The following SLC39A10 variants were observed in gnomAD, a reference collection of about 807,000 sequenced individuals.
SLC39A10 encodes the protein zinc transporter ZIP10.
A neutral mutation model predicts 65.1 loss-of-function variants in SLC39A10; 13 were observed. That is an observed-to-expected ratio of 0.20 (90% CI 0.13 to 0.32). The LOEUF (loss-of-function observed/expected upper bound fraction) is 0.32. SLC39A10 is among the 10% of genes least tolerant of loss of function. The pLI is 1.00. For missense variants in SLC39A10, 831 were observed against 1,018.4 expected (o/e 0.82, Z 2.50); for synonymous variants, 321 against 342.2 (o/e 0.94, Z 0.68).
intron 8 of SLC39A10, among the ~76,000 whole-genome samples, chr2:195,727,334 C>CA (rs1158142067): frequency 1.3e-5 from 2 of 152,146 alleles, no homozygotes; most frequent in Non-Finnish European, 2.9e-5. Flanking sequence ...CATTCTTCAT[C>CA]AGCACAGTTA....
At chr2:195,671,004 G>A (rs1475736703) in intron 1 of SLC39A10, among the ~76,000 whole-genome samples, 1 of 152,152 alleles carries the variant, frequency 6.6e-6, no homozygotes, top group Non-Finnish European at 1.5e-5. Context: ...ATGAAGTGAA[G>A]TGCAACCATG....
At chr2:195,688,255 T>C (rs1690600180) in intron 3 of SLC39A10, among the ~76,000 whole-genome samples, 1 of 152,196 alleles carries the variant, frequency 6.6e-6, no homozygotes, top group Non-Finnish European at 1.5e-5. Flanking sequence ...ACCAAATGAA[T>C]TGTGATTAAA....
intron 8 of SLC39A10, among the ~76,000 whole-genome samples, chr2:195,723,914 A>G (rs1243795257): frequency 6.6e-6 from 1 of 152,134 alleles, no homozygotes; most frequent in African/African-American, 2.4e-5. Flanking sequence ...CTAAAATAAA[A>G]GTTGAAAAAG....
chr2:195,716,577 A>G (rs2105826535), intron 6 of SLC39A10, 60 bp from the exon 7 acceptor site: 3 of 1,090,922 alleles, frequency 2.7e-6, no homozygotes, highest in Non-Finnish European at 2.6e-6. Flanking sequence ...ATTCTGTTTA[A>G]ATTAGCAAAT....
intron 3 of SLC39A10, among the ~76,000 whole-genome samples, chr2:195,689,561 C>T (rs1690650936): frequency 1.3e-5 from 2 of 152,020 alleles, no homozygotes; most frequent in South Asian, 4.1e-4. Context: ...TGATGAAATA[C>T]AGTAACAAAA....
intron 2 of SLC39A10, among the ~76,000 whole-genome samples, chr2:195,646,447 C>T (rs1039735477): frequency 3.3e-5 from 5 of 152,126 alleles, no homozygotes; most frequent in African/African-American, 1.2e-4. Context: ...TGGCTTCAAA[C>T]AATACAAATT....
At position 195,713,543 on chromosome 2, in the gene SLC39A10, G is replaced by T. The variant is rs377437802; in HGVS notation, c.1686G>T (p.Lys562Asn). 1.3e-6 allele frequency: 2 copies of T among 1,554,140 alleles called. No homozygotes were observed. Among genetic ancestry groups the T allele is most frequent in the Non-Finnish European group, 1.7e-6 (2 of 1,162,708 alleles). The change falls in exon 6 of 10, where the codon AAG becomes AAT. Residue 562 changes from lysine to asparagine, a missense_variant. This residue lies in a region of SLC39A10 where 230 missense variants were observed against 242.9 expected (regional missense o/e 0.95). Coordinates refer to ENST00000359634, the MANE Select transcript of SLC39A10 (RefSeq NM_020342.3). The stretch of plus-strand genomic sequence containing the variant: ...CAGATTCTGACTGGCTTCAACTCAA[G>T]CCTCTTGCCGGTAGACAGCAATTCT... ...NTPDSDWLQL[K>N]PLAGTDDSVV... is the part of the protein sequence containing the mutation.
chr2:195,714,243 T>C (rs573263134), intron 6 of SLC39A10, among the ~76,000 whole-genome samples: 19 of 152,340 alleles, frequency 1.2e-4, no homozygotes, highest in Middle Eastern at 3.4e-3. Context: ...CAAATACTTT[T>C]ATGATAGTTT....
chr2:195,625,222 A>G lies in SLC39A10; in HGVS notation c.-12+18989A>G, dbSNP rs199591550. Among the ~76,000 whole-genome samples, 495 of 109,900 alleles carry G rather than the reference A, an allele frequency of 4.5e-3. 3 individuals carry two copies. The highest frequency in any genetic ancestry group is 0.043 in the East Asian group (67 of 1,558). The allele number at this position is 109,900 out of a possible 152,430, so 72.1% of individuals were successfully genotyped here. On this transcript the variant is annotated intron_variant, in intron 2 of 2. Coordinates refer to the SLC39A10 transcript ENST00000458054. ...ACAGAGGGACACTCTGTCTCAAAAAAAAAGAAAGAAAGAAAGAAAGAAAGA... is the reference window on the plus strand; with the variant it reads ...ACAGAGGGACACTCTGTCTCAAAAAGAAAGAAAGAAAGAAAGAAAGAAAGA...
intron 3 of SLC39A10, among the ~76,000 whole-genome samples, chr2:195,701,177 A>G (rs896452086): frequency 1.3e-5 from 2 of 151,958 alleles, no homozygotes; most frequent in Non-Finnish European, 2.9e-5. Flanking sequence ...TTTCAAGTCC[A>G]CTGATACTTC....
chr2:195,657,786 C>T (rs1037613125), intron 1 of SLC39A10, among the ~76,000 whole-genome samples: 6 of 152,018 alleles, frequency 3.9e-5, no homozygotes, highest in Non-Finnish European at 7.4e-5. Flanking sequence ...GTTTTTTCTT[C>T]TCCAGTCCTT....
intron 2 of SLC39A10, among the ~76,000 whole-genome samples, chr2:195,633,545 GC>G (rs1474449694): frequency 7.9e-5 from 12 of 152,216 alleles, no homozygotes; most frequent in Non-Finnish European, 1.3e-4. Flanking sequence ...TAGTGTGACA[GC>G]CTGCTGTATC....
At chr2:195,708,605 A>T in intron 4 of SLC39A10, 51 bp from the exon 5 acceptor site, 1 of 1,372,772 alleles carries the variant, frequency 7.3e-7, no homozygotes. Context: ...TCAAAATTTT[A>T]AATAGCATTT....
chr2:195,696,319 G>GGA (rs1491400115), intron 3 of SLC39A10, among the ~76,000 whole-genome samples: 2 of 140,936 alleles, frequency 1.4e-5, no homozygotes, highest in Non-Finnish European at 3.0e-5. Flanking sequence ...TTTTATTTCT[G>GGA]AAAAAAAAAA....
intron 2 of SLC39A10, among the ~76,000 whole-genome samples, chr2:195,621,594 C>T (rs536944631): frequency 2.0e-3 from 302 of 152,232 alleles, no homozygotes; most frequent in African/African-American, 6.6e-3. Context: ...CTCTATCATT[C>T]GACCTGATTC....
At chr2:195,698,058 C>G (rs1464975034) in intron 3 of SLC39A10, among the ~76,000 whole-genome samples, 1 of 151,168 alleles carries the variant, frequency 6.6e-6, no homozygotes, top group Non-Finnish European at 1.5e-5. Flanking sequence ...TTTGTGTTAA[C>G]TTTGTATCCC....
chr2:195,652,497 C>T (rs532508822), upstream of SLC39A10, among the ~76,000 whole-genome samples: 3 of 148,506 alleles, frequency 2.0e-5, no homozygotes, highest in Admixed American at 6.8e-5. Context: ...TGCAGTGAGC[C>T]GAGATCTCGC....
At chr2:195,662,330 G>A (rs1012523760) in intron 1 of SLC39A10, among the ~76,000 whole-genome samples, 2 of 150,196 alleles carry the variant, frequency 1.3e-5, no homozygotes, top group African/African-American at 4.9e-5. Context: ...GTGCAGTGGT[G>A]AGATCAGGGC....
intron 2 of SLC39A10, among the ~76,000 whole-genome samples, chr2:195,621,349 T>C (rs1688343840): frequency 6.6e-6 from 1 of 152,240 alleles, no homozygotes; most frequent in Non-Finnish European, 1.5e-5. Flanking sequence ...AAAGTACATG[T>C]TGAAAAATCA....
Sources: allele counts gnomAD v4.1 joint callset (sites outside exome capture counted in the v4.1 genomes callset), GRCh38; gene constraint gnomAD v4.1.1; regional missense constraint gnomAD v4.1.1; transcripts MANE v1.5; gene names NCBI Gene and HGNC (gene_info 2026-07-23, HGNC 2026-07-21).